EIF4G3: variants seen among roughly 807,000 people sequenced by gnomAD.
EIF4G3 encodes the protein eIF-4-gamma 3.
In EIF4G3, 34 loss-of-function variants were observed where a neutral mutation model predicts 186.4. The observed-to-expected ratio is 0.18, with a 90% CI of 0.14 to 0.24. The LOEUF (loss-of-function observed/expected upper bound fraction) is 0.24, where lower values mean the gene tolerates loss of function less well. EIF4G3 is among the 10% of genes least tolerant of loss of function. EIF4G3 has a pLI of 1.00. For missense variants in EIF4G3, 1,536 were observed against 1,948.5 expected, an observed-to-expected ratio of 0.79 and a Z score of 3.99; for synonymous variants, 673 against 679.5, an observed-to-expected ratio of 0.99 and a Z score of 0.15.
chr1:21,150,890 C>T (rs951547272), intron 2 of EIF4G3, among the ~76,000 whole-genome samples: 3 of 152,112 alleles, frequency 2.0e-5, no homozygotes, highest in East Asian at 1.9e-4. Flanking sequence ...GCAGAAGAAT[C>T]GCTTAAACTC....
At chr1:21,116,565 C>T (rs564240850) in intron 2 of EIF4G3, among the ~76,000 whole-genome samples, 8 of 152,106 alleles carry the variant, frequency 5.3e-5, no homozygotes, top group African/African-American at 1.2e-4. Flanking sequence ...AGGCCAGGCG[C>T]GGCGGCTCAC....
chr1:21,138,436 A>C (rs930267565), intron 2 of EIF4G3, among the ~76,000 whole-genome samples: 1 of 152,214 alleles, frequency 6.6e-6, no homozygotes, highest in Non-Finnish European at 1.5e-5. Flanking sequence ...AGAATTCCTA[A>C]GCCCTCCTTC....
chr1:20,911,399 C>CA (rs1426047695), intron 14 of EIF4G3, among the ~76,000 whole-genome samples: 1 of 151,368 alleles, frequency 6.6e-6, no homozygotes, highest in African/African-American at 2.4e-5. Context: ...GAGACCTCTA[C>CA]AAAAAATTAA....
At chr1:21,007,004 CCTAAA>C (rs1458807667) in intron 4 of EIF4G3, among the ~76,000 whole-genome samples, 1 of 152,146 alleles carries the variant, frequency 6.6e-6, no homozygotes, top group African/African-American at 2.4e-5. Context: ...TCTGCCATCA[CCTAAA>C]CTAAATTCAG....
intron 14 of EIF4G3, among the ~76,000 whole-genome samples, chr1:20,917,679 T>C (rs968048128): frequency 3.9e-5 from 6 of 152,272 alleles, no homozygotes; most frequent in Middle Eastern, 3.4e-3. Flanking sequence ...TTTTGGGTGA[T>C]AAATACGATT....
intron 2 of EIF4G3, among the ~76,000 whole-genome samples, chr1:21,117,997 G>T (rs2102308061): frequency 6.6e-6 from 1 of 152,128 alleles, no homozygotes; most frequent in Middle Eastern, 3.4e-3. Context: ...TCTCACATTG[G>T]CCCCTGCAAA....
chr1:20,916,046 T>C (rs184524612), intron 14 of EIF4G3, among the ~76,000 whole-genome samples: 43 of 152,320 alleles, frequency 2.8e-4, no homozygotes, highest in Non-Finnish European at 4.7e-4. Context: ...ATCTATTATA[T>C]ATTGTATTTC....
At position 20,864,693 on chromosome 1, in the gene EIF4G3, A is replaced by G; in HGVS notation, c.2789T>C (p.Leu930Pro). ...CTTGGCTTCTTCCAGTTCATCATGA[A>G]GCCTTGTCCTCTCCTCTGGCTGTTG... is the stretch of plus-strand genomic sequence containing the variant. ...AASAPEERTR[L>P]HDELEEAKDK... Residue 930 changes from leucine (L) to proline (P), a missense_variant, in exon 22 of 37, where the codon CTT becomes CCT. Coordinates refer to ENST00000602326, the MANE Select transcript of EIF4G3 (RefSeq NM_001391906.1). 1 of 1,614,148 alleles carries G rather than the reference A, an allele frequency of 6.2e-7. No individual in the cohort carries two copies. Among genetic ancestry groups the G allele is most frequent in the Non-Finnish European group, 8.5e-7 (1 of 1,180,012 alleles).
At position 20,862,217 on chromosome 1, in the gene EIF4G3, T is replaced by G; in HGVS notation, c.3111+11A>C. On this transcript the variant is annotated intron_variant, in intron 23 of 36. Transcript: ENST00000602326. ...ACCAGCAGGCTTATTATTATTTTTT[T>G]TCCCACTCACCAGCCTTAGGTCTAT... The G allele has an allele frequency of 6.6e-7, 1 of 1,516,720 alleles. No homozygotes were observed. The highest frequency in any genetic ancestry group is 2.3e-5 in the East Asian group (1 of 44,192). 94.0% of individuals were successfully genotyped at this position (1,516,720 alleles called of 1,614,324 possible).
intron 4 of EIF4G3, among the ~76,000 whole-genome samples, chr1:21,043,402 C>T (rs1384539269): frequency 6.6e-6 from 1 of 152,120 alleles, no homozygotes; most frequent in Non-Finnish European, 1.5e-5. Context: ...GAATGTAAAA[C>T]TTAGGGTGAG....
At chr1:21,144,394 T>C (rs1263130277) in intron 2 of EIF4G3, among the ~76,000 whole-genome samples, 2 of 151,842 alleles carry the variant, frequency 1.3e-5, no homozygotes, top group South Asian at 2.1e-4. Flanking sequence ...GCTAGGACTA[T>C]AAACTAACAC....
At chr1:21,071,100 T>A (rs1410529111) in intron 3 of EIF4G3, among the ~76,000 whole-genome samples, 1 of 152,204 alleles carries the variant, frequency 6.6e-6, no homozygotes, top group Admixed American at 6.5e-5. Context: ...AATAAATGAT[T>A]GATCTAATAT....
At chr1:21,071,884 C>CA (rs375324717) in intron 3 of EIF4G3, among the ~76,000 whole-genome samples, 2 of 151,576 alleles carry the variant, frequency 1.3e-5, no homozygotes, top group African/African-American at 4.8e-5. Context: ...GCTATTTTCC[C>CA]AAATAAGTTA....
intron 14 of EIF4G3, among the ~76,000 whole-genome samples, chr1:20,926,543 C>T (rs2094902723): frequency 6.6e-6 from 1 of 152,060 alleles, no homozygotes; most frequent in African/African-American, 2.4e-5. Flanking sequence ...TGGTGTCACG[C>T]ATCTGTGGTT....
At chr1:21,062,421 A>T (rs967765322) in intron 3 of EIF4G3, among the ~76,000 whole-genome samples, 1 of 152,156 alleles carries the variant, frequency 6.6e-6, no homozygotes, top group Admixed American at 6.5e-5. Flanking sequence ...GTAATATCCT[A>T]AACTAAAATT....
intron 15 of EIF4G3, among the ~76,000 whole-genome samples, chr1:20,902,286 A>T (rs962423270): frequency 6.6e-6 from 1 of 152,074 alleles, no homozygotes; most frequent in Non-Finnish European, 1.5e-5. Context: ...CTGGTCTCAA[A>T]CTTCTGGCCT....
intron 16 of EIF4G3, among the ~76,000 whole-genome samples, chr1:20,898,955 C>T (rs2089395598): frequency 6.6e-6 from 1 of 152,170 alleles, no homozygotes; most frequent in African/African-American, 2.4e-5. Flanking sequence ...GTCTCGAACT[C>T]CCAACCTCAG....
rs1218873992 is a variant in EIF4G3, at chr1:21,176,270, T to TGCC, written c.-370_-368dup. ...CCGCCGCCGCCGCCGCCGCCGCTGC[T>TGCC]GCCGCCGCCGGGTGAGGAGGCGGTA... On this transcript the variant is annotated 5_prime_UTR_variant, in exon 2 of 37. Coordinates refer to ENST00000602326, the MANE Select transcript of EIF4G3 (RefSeq NM_001391906.1). The TGCC allele has an allele frequency of 1.7e-4, 54 of 320,294 alleles. 1 individual carries two copies. Among genetic ancestry groups the TGCC allele is most frequent in the East Asian group, 1.6e-3 (31 of 19,674 alleles). 19.8% of individuals were successfully genotyped at this position (320,294 alleles called of 1,614,324 possible). A position where few individuals can be genotyped will look rare whatever the true frequency, so the allele number is the denominator to read the frequency against.
intron 22 of EIF4G3, 108 bp from the exon 23 acceptor site, chr1:20,862,440 G>T: frequency 1.5e-6 from 1 of 680,152 alleles, no homozygotes; most frequent in Non-Finnish European, 2.4e-6. Context: ...TTTAGAGATG[G>T]GGTTTCACTC....
Sources: gnomAD v4.1 joint callset for allele counts (sites outside exome capture counted in the v4.1 genomes callset) on GRCh38, gnomAD v4.1.1 for gene constraint, MANE v1.5 for transcripts, NCBI Gene and HGNC (gene_info 2026-07-23, HGNC 2026-07-21) for gene names.